KAT14: variants seen among roughly 807,000 people sequenced by gnomAD.
KAT14 encodes the protein lysine acetyltransferase 14, also known as cysteine-rich protein 2-binding protein.
In KAT14, 66 loss-of-function variants were observed where a neutral mutation model predicts 78.4. The observed-to-expected ratio is 0.84, with a 90% CI of 0.69 to 1.03. KAT14 has a LOEUF of 1.03. KAT14 is among the 50% of genes least tolerant of loss of function. The probability of loss-of-function intolerance (pLI) is 0.00; values close to 1 mark genes in which losing one functional copy is unlikely to be tolerated. For synonymous variants in KAT14, 344 were observed against 359.4 expected, an observed-to-expected ratio of 0.96 and a Z score of 0.48; for missense variants, 870 against 972.5, an observed-to-expected ratio of 0.89 and a Z score of 1.40.
chr20:18,174,292 T>C (rs2146491017), intron 7 of KAT14, among the ~76,000 whole-genome samples: 1 of 152,360 alleles, frequency 6.6e-6, no homozygotes, highest in Admixed American at 6.5e-5. Flanking sequence ...ATACAAGTTT[T>C]TGTGTGGACA....
At chr20:18,176,591 C>T (rs546236090) in intron 7 of KAT14, among the ~76,000 whole-genome samples, 31 of 152,196 alleles carry the variant, frequency 2.0e-4, no homozygotes, top group Non-Finnish European at 3.5e-4. Context: ...CAAGGAGGAG[C>T]CAGGGTGATG....
intron 7 of KAT14, among the ~76,000 whole-genome samples, chr20:18,180,837 A>G (rs535426091): frequency 2.0e-5 from 3 of 152,338 alleles, no homozygotes; most frequent in African/African-American, 7.2e-5. Flanking sequence ...GATTCAAATT[A>G]TCTCCCACCA....
chr20:18,184,781 C>T lies in KAT14; in HGVS notation c.2161C>T (p.His721Tyr), dbSNP rs1310863167. The T allele has an allele frequency of 6.2e-7, 1 of 1,605,830 alleles. No individual in the cohort carries two copies. Reference sequence around the variant, plus strand: ...AGGGATTGCAACTTTCATGATCTATCATCTGATTCAGGTAAGTTGTCTATG... The same window carrying T: ...AGGGATTGCAACTTTCATGATCTATTATCTGATTCAGGTAAGTTGTCTATG... Reference protein sequence around the residue: ...RAGIATFMIYHLIQTCMGKDV... With the variant: ...RAGIATFMIYYLIQTCMGKDV... The change falls in exon 10 of 11, where the codon CAT becomes TAT. Residue 721 changes from histidine to tyrosine, a missense_variant. Transcript: ENST00000688188.
intron 7 of KAT14, among the ~76,000 whole-genome samples, chr20:18,172,258 C>T (rs138206820): frequency 0.01 from 1,570 of 152,006 alleles, 26 homozygotes; most frequent in African/African-American, 0.036. Context: ...CGTGCCACCA[C>T]GCCCAGCTAA....
At position 18,150,823 on chromosome 20, in the gene KAT14, C is replaced by T. The variant is rs759130167; in HGVS notation, c.381C>T (p.Val127=). Reference sequence around the variant, plus strand: ...CTCTTGTTTCAATTGTGTTTCAGGTCGTCATGTTGGCAATGTACAACTTGT... The same window carrying T: ...CTCTTGTTTCAATTGTGTTTCAGGTTGTCATGTTGGCAATGTACAACTTGT... ...YERLKLTWQQ[V]VMLAMYNLSL... The change falls in exon 4 of 11, where the codon GTC becomes GTT. Residue 127 remains valine, a splice_region_variant and synonymous_variant. Transcript: ENST00000688188. 1.4e-5 allele frequency: 23 copies of T among 1,613,834 alleles called. No individual in the cohort carries two copies. Among genetic ancestry groups the T allele is most frequent in the South Asian group, 1.1e-4 (10 of 91,042 alleles).
chr20:18,140,070 A>C (rs1382516486), intron 1 of KAT14, among the ~76,000 whole-genome samples: 1 of 152,146 alleles, frequency 6.6e-6, no homozygotes, highest in Non-Finnish European at 1.5e-5. Context: ...GAAGATAGCA[A>C]ATGATGGGAT....
At chr20:18,150,682 C>A in intron 3 of KAT14, 139 bp from the exon 4 acceptor site, 2 of 1,380,056 alleles carry the variant, frequency 1.4e-6, no homozygotes, top group Non-Finnish European at 2.0e-6. Context: ...GGGAATATTC[C>A]AAGATACCGT....
chr20:18,137,926 G>C lies in KAT14; in HGVS notation c.-579G>C, dbSNP rs1183830214. The C allele has an allele frequency of 1.4e-6, 2 of 1,475,104 alleles. No individual in the cohort carries two copies. The highest frequency in any genetic ancestry group is 1.8e-6 in the Non-Finnish European group (2 of 1,119,980). The allele number at this position is 1,475,104 out of a possible 1,614,324, so 91.4% of individuals were successfully genotyped here. A position where few individuals can be genotyped will look rare whatever the true frequency, so the allele number is the denominator to read the frequency against. On this transcript the variant is annotated 5_prime_UTR_variant, in exon 1 of 11. Coordinates refer to ENST00000688188, the MANE Select transcript of KAT14 (RefSeq NM_001392073.1). ...CGGCCTCTGCGCCTCGGGCGGGCGG[G>C]AGAGAGAGGCCGCGGCCGCCAGCGT...
At chr20:18,165,191 G>A (rs1854070556) in intron 7 of KAT14, among the ~76,000 whole-genome samples, 2 of 150,996 alleles carry the variant, frequency 1.3e-5, no homozygotes, top group African/African-American at 4.9e-5. Flanking sequence ...TTTTAAATGT[G>A]TATGTCTCTA....
intron 5 of KAT14, among the ~76,000 whole-genome samples, chr20:18,159,793 T>C (rs2038352659): frequency 6.6e-6 from 1 of 152,242 alleles, no homozygotes; most frequent in Non-Finnish European, 1.5e-5. Flanking sequence ...AGCCTGACCA[T>C]AATGCCATTT....
chr20:18,145,797 A>G (rs2037806960), intron 3 of KAT14, among the ~76,000 whole-genome samples: 1 of 152,046 alleles, frequency 6.6e-6, no homozygotes, highest in South Asian at 2.1e-4. Context: ...AAAAAAATAT[A>G]TTCACTGCTG....
intron 7 of KAT14, among the ~76,000 whole-genome samples, chr20:18,176,319 A>AG (rs397798197): frequency 6.6e-6 from 1 of 151,228 alleles, no homozygotes; most frequent in East Asian, 1.9e-4. Flanking sequence ...AAAAAAAAAA[A>AG]GTGCCAAGCG....
intron 7 of KAT14, among the ~76,000 whole-genome samples, chr20:18,173,945 C>T (rs1341255057): frequency 6.6e-6 from 1 of 152,136 alleles, no homozygotes; most frequent in Non-Finnish European, 1.5e-5. Flanking sequence ...ATTTTGTTAA[C>T]CCACAAAGAA....
At position 18,162,868 on chromosome 20, in the gene KAT14, G is replaced by A. The variant is rs757227084; in HGVS notation, c.1591G>A (p.Gly531Arg). Residue 531 changes from glycine (G) to arginine (R), a missense_variant, in exon 7 of 11, where the codon GGA becomes AGA. Coordinates refer to ENST00000688188, the MANE Select transcript of KAT14 (RefSeq NM_001392073.1). ...VDGIYGAKEG[G>R]ISRLPAGQAT... ...CGGGATTTATGGAGCCAAAGAAGGAGGAATTTCCAGACTTCCAGCTGGACA... is the reference window on the plus strand; with the variant it reads ...CGGGATTTATGGAGCCAAAGAAGGAAGAATTTCCAGACTTCCAGCTGGACA... 10 of 1,614,154 alleles carry A rather than the reference G, an allele frequency of 6.2e-6. No homozygotes were observed. The East Asian group carries it at 2.2e-4, about 36-fold the overall frequency.
intron 1 of KAT14, among the ~76,000 whole-genome samples, chr20:18,140,851 C>CA (rs371306768): frequency 2.4e-4 from 30 of 126,612 alleles, no homozygotes; most frequent in Middle Eastern, 3.9e-3. Flanking sequence ...TAAAACAAAA[C>CA]AAAAAAAACC....
intron 7 of KAT14, among the ~76,000 whole-genome samples, chr20:18,164,876 C>T (rs1217200008): frequency 6.6e-6 from 1 of 152,110 alleles, no homozygotes; most frequent in East Asian, 1.9e-4. Context: ...ATCGCCTCAG[C>T]CTCCCAAAGT....
chr20:18,184,454 G>C (rs1316747363), intron 9 of KAT14, 148 bp from the exon 10 acceptor site: 13 of 693,086 alleles, frequency 1.9e-5, no homozygotes, highest in Non-Finnish European at 2.9e-5. Flanking sequence ...TGATCTGGTT[G>C]TGTGGTCTCT....
At chr20:18,169,538 A>G (rs1267773438) in intron 7 of KAT14, among the ~76,000 whole-genome samples, 1 of 152,200 alleles carries the variant, frequency 6.6e-6, no homozygotes, top group Non-Finnish European at 1.5e-5. Flanking sequence ...ATATGAGACA[A>G]TGAACTTAAT....
chr20:18,161,122 C>A (rs934224974), intron 5 of KAT14, among the ~76,000 whole-genome samples: 1 of 150,772 alleles, frequency 6.6e-6, no homozygotes, highest in Non-Finnish European at 1.5e-5. Context: ...TGCAGTGAGC[C>A]GAGATCACAC....
Sources: allele counts gnomAD v4.1 joint callset (sites outside exome capture counted in the v4.1 genomes callset), GRCh38; gene constraint gnomAD v4.1.1; transcripts MANE v1.5; gene names NCBI Gene and HGNC (gene_info 2026-07-23, HGNC 2026-07-21).